The following DLG2 variants were observed in gnomAD, a reference collection of about 807,000 sequenced individuals.
DLG2 encodes the protein discs large MAGUK scaffold protein 2, also known as disks large homolog 2.
A neutral mutation model predicts 132.5 loss-of-function variants in DLG2; 45 were observed. The ratio of observed to expected loss-of-function variants is 0.34; its 90% CI spans 0.27 to 0.44. The LOEUF (loss-of-function observed/expected upper bound fraction) is 0.44, where lower values mean the gene tolerates loss of function less well. DLG2 is among the 20% of genes least tolerant of loss of function. The pLI is 1.00. For synonymous variants in DLG2, 424 were observed against 419.6 expected, an observed-to-expected ratio of 1.01 and a Z score of -0.13; for missense variants, 1,045 against 1,196.9, an observed-to-expected ratio of 0.87 and a Z score of 1.87.
chr11:83,828,416 G>A (rs2053512277), intron 17 of DLG2, among the ~76,000 whole-genome samples: 1 of 152,086 alleles, frequency 6.6e-6, no homozygotes, highest in South Asian at 2.1e-4. Flanking sequence ...AAATCTACTC[G>A]AGCATTTCCC....
chr11:83,656,565 G>T (rs972605463), intron 18 of DLG2, among the ~76,000 whole-genome samples: 3 of 152,144 alleles, frequency 2.0e-5, no homozygotes, highest in African/African-American at 7.2e-5. Flanking sequence ...AAAACTTGTT[G>T]TTCCTCAAGT....
intron 6 of DLG2, among the ~76,000 whole-genome samples, chr11:84,905,659 A>C (rs575640196): frequency 6.6e-6 from 1 of 152,230 alleles, no homozygotes; most frequent in African/African-American, 2.4e-5. Context: ...GGCCAATCAA[A>C]CACCCTCCTT....
At chr11:83,479,877 T>TAATC (rs1204209589) in intron 22 of DLG2, among the ~76,000 whole-genome samples, 2 of 152,126 alleles carry the variant, frequency 1.3e-5, no homozygotes, top group Non-Finnish European at 1.5e-5. Flanking sequence ...CTTAAAAGAT[T>TAATC]AATCAAAGAG....
intron 6 of DLG2, among the ~76,000 whole-genome samples, chr11:84,967,805 G>A (rs558083324): frequency 2.2e-4 from 34 of 152,094 alleles, no homozygotes; most frequent in Admixed American, 2.0e-3. Flanking sequence ...CACACAATGA[G>A]TACATTTTTG....
intron 6 of DLG2, among the ~76,000 whole-genome samples, chr11:84,904,148 T>C (rs985125125): frequency 6.6e-6 from 1 of 152,158 alleles, no homozygotes; most frequent in East Asian, 1.9e-4. Context: ...GATAAGAGTA[T>C]AGAAATCTTC....
chr11:85,590,506 C>T (rs2079244230), intron 3 of DLG2, among the ~76,000 whole-genome samples: 3 of 152,180 alleles, frequency 2.0e-5, no homozygotes, highest in East Asian at 1.9e-4. Context: ...ATTCTATTAA[C>T]TTGATTAGTT....
chr11:84,630,060 C>T (rs1403912861), intron 6 of DLG2, among the ~76,000 whole-genome samples: 1 of 152,132 alleles, frequency 6.6e-6, no homozygotes, highest in African/African-American at 2.4e-5. Flanking sequence ...ATCATGTTTG[C>T]TTTACCTGCC....
chr11:85,361,021 A>G (rs2084106113), intron 3 of DLG2, among the ~76,000 whole-genome samples: 1 of 152,192 alleles, frequency 6.6e-6, no homozygotes, highest in African/African-American at 2.4e-5. Context: ...GCTCTATGAA[A>G]AAAAAATAAA....
At chr11:85,268,374 C>G (rs1230480647) in intron 4 of DLG2, among the ~76,000 whole-genome samples, 2 of 152,154 alleles carry the variant, frequency 1.3e-5, no homozygotes, top group Non-Finnish European at 2.9e-5. Context: ...TTGAGTCTTC[C>G]TGCCTTTTCT....
chr11:85,409,347 A>C (rs2152977165), intron 3 of DLG2, among the ~76,000 whole-genome samples: 1 of 151,996 alleles, frequency 6.6e-6, no homozygotes, highest in South Asian at 2.1e-4. Context: ...CTGGGCTCAA[A>C]GGCATCCAGA....
intron 15 of DLG2, among the ~76,000 whole-genome samples, chr11:83,904,066 AGGGT>A (rs2074136707): frequency 1.3e-5 from 2 of 152,176 alleles, no homozygotes; most frequent in African/African-American, 4.8e-5. Context: ...AAGTAAAATA[AGGGT>A]TATTTGATCA....
intron 7 of DLG2, among the ~76,000 whole-genome samples, chr11:84,377,049 A>T (rs2098732153): frequency 6.6e-6 from 1 of 152,180 alleles, no homozygotes; most frequent in East Asian, 1.9e-4. Flanking sequence ...ACCAATGATA[A>T]ATTTCAACAT....
chr11:84,274,383 G>T (rs1234655810), intron 7 of DLG2, among the ~76,000 whole-genome samples: 2 of 152,146 alleles, frequency 1.3e-5, no homozygotes, highest in African/African-American at 4.8e-5. Context: ...AGAGGTAAGA[G>T]GCAAAAGGAG....
At chr11:84,819,197 T>C (rs1469341350) in intron 6 of DLG2, among the ~76,000 whole-genome samples, 4 of 151,790 alleles carry the variant, frequency 2.6e-5, no homozygotes, top group Admixed American at 2.0e-4. Context: ...AGTCTCACAA[T>C]AGAAAGTATG....
At chr11:85,097,366 G>T (rs1266364788) in intron 6 of DLG2, among the ~76,000 whole-genome samples, 4 of 152,092 alleles carry the variant, frequency 2.6e-5, no homozygotes, top group Non-Finnish European at 5.9e-5. Context: ...CCTAACAAAA[G>T]TTCTCCAAGT....
At chr11:85,177,746 A>C (rs1404119679) in intron 4 of DLG2, among the ~76,000 whole-genome samples, 3 of 152,174 alleles carry the variant, frequency 2.0e-5, no homozygotes, top group Non-Finnish European at 2.9e-5. Context: ...GTAACTTTAC[A>C]GTAGATAATC....
intron 18 of DLG2, among the ~76,000 whole-genome samples, chr11:83,738,284 TTTACCAATTTAGGC>T (rs1410301247): frequency 1.3e-5 from 2 of 152,252 alleles, no homozygotes; most frequent in Admixed American, 1.3e-4. Flanking sequence ...AATGCTGACA[TTTACCAATTTAGGC>T]TTCTGGAGAT....
intron 7 of DLG2, among the ~76,000 whole-genome samples, chr11:84,376,501 T>A (rs1446722278): frequency 6.6e-6 from 1 of 151,910 alleles, no homozygotes; most frequent in Non-Finnish European, 1.5e-5. Flanking sequence ...GAATCCTTAC[T>A]AAATTAAGAT....
intron 3 of DLG2, among the ~76,000 whole-genome samples, chr11:85,546,819 T>C (rs1212475934): frequency 1.1e-3 from 42 of 38,630 alleles, no homozygotes; most frequent in African/African-American, 5.2e-3. Flanking sequence ...TAACCCCTGC[T>C]TTTTTTTTTT....
Sources: allele counts gnomAD v4.1 joint callset (sites outside exome capture counted in the v4.1 genomes callset), GRCh38; gene constraint gnomAD v4.1.1; transcripts MANE v1.5; gene names NCBI Gene and HGNC (gene_info 2026-07-23, HGNC 2026-07-21).